PAK5: variants seen among roughly 807,000 people sequenced by gnomAD.
PAK5 encodes the protein serine/threonine-protein kinase PAK 5.
PAK5 carries 16 observed loss-of-function variants against 65.9 expected under a neutral mutation model. That is an observed-to-expected ratio of 0.24 (90% CI 0.16 to 0.37). PAK5 has a LOEUF of 0.37. Ranked by LOEUF, PAK5 falls within the 10% of genes least tolerant of loss-of-function variation. PAK5 has a pLI of 1.00. For missense variants in PAK5, 785 were observed against 903.9 expected (o/e 0.87, Z 1.69); for synonymous variants, 371 against 354.9 (o/e 1.05, Z -0.51).
At chr20:9,785,664 A>T (rs1476477788) in intron 1 of PAK5, among the ~76,000 whole-genome samples, 5 of 152,186 alleles carry the variant, frequency 3.3e-5, no homozygotes, top group African/African-American at 1.2e-4. Context: ...GGGGAAAAAA[A>T]TGTCTAAGGC....
chr20:9,680,987 G>C (rs1202564071), intron 2 of PAK5, among the ~76,000 whole-genome samples: 2 of 152,126 alleles, frequency 1.3e-5, no homozygotes, highest in African/African-American at 2.4e-5. Flanking sequence ...CTTTTGGTTT[G>C]TTTAACAGTT....
intron 1 of PAK5, among the ~76,000 whole-genome samples, chr20:9,712,884 CTT>C (rs2048094544): frequency 1.3e-5 from 2 of 152,092 alleles, no homozygotes; most frequent in African/African-American, 4.8e-5. Context: ...TGATTAAAGA[CTT>C]AAATGTAAAA....
chr20:9,696,196 T>C (rs990808203), intron 2 of PAK5, among the ~76,000 whole-genome samples: 5 of 152,194 alleles, frequency 3.3e-5, no homozygotes, highest in Admixed American at 3.3e-4. Context: ...CCATTTTATA[T>C]TCATATGACA....
intron 9 of PAK5, among the ~76,000 whole-genome samples, chr20:9,540,289 A>G (rs1179859195): frequency 2.0e-5 from 3 of 152,058 alleles, no homozygotes; most frequent in African/African-American, 7.2e-5. Context: ...TTTTACATAC[A>G]TTTACCCCTA....
intron 2 of PAK5, among the ~76,000 whole-genome samples, chr20:9,695,254 T>C (rs1253989505): frequency 6.6e-6 from 1 of 152,050 alleles, no homozygotes; most frequent in Non-Finnish European, 1.5e-5. Context: ...TTTGATGGAG[T>C]TCTTTATAAA....
At chr20:9,685,784 C>T (rs557443899) in intron 2 of PAK5, among the ~76,000 whole-genome samples, 3 of 152,194 alleles carry the variant, frequency 2.0e-5, no homozygotes, top group Non-Finnish European at 4.4e-5. Flanking sequence ...TAGAACATAG[C>T]ATGTGCTCAA....
chr20:9,563,569 T>A (rs2045625395), intron 5 of PAK5, among the ~76,000 whole-genome samples: 1 of 152,138 alleles, frequency 6.6e-6, no homozygotes, highest in Admixed American at 6.5e-5. Flanking sequence ...AGAATATATA[T>A]TGAAGATAAA....
At chr20:9,619,955 C>A (rs2046740597) in intron 3 of PAK5, among the ~76,000 whole-genome samples, 1 of 152,338 alleles carries the variant, frequency 6.6e-6, no homozygotes, top group South Asian at 2.1e-4. Context: ...CATCAGATCA[C>A]CTGAATTCTA....
chr20:9,821,291 G>A (rs1237530969), intron 1 of PAK5, among the ~76,000 whole-genome samples: 5 of 152,122 alleles, frequency 3.3e-5, no homozygotes, highest in Non-Finnish European at 7.4e-5. Context: ...TGAGGTGGGA[G>A]AATTGCTTGA....
intron 7 of PAK5, among the ~76,000 whole-genome samples, chr20:9,553,077 A>G (rs2045453972): frequency 6.6e-6 from 1 of 152,104 alleles, no homozygotes; most frequent in Non-Finnish European, 1.5e-5. Flanking sequence ...TGCAACGTGC[A>G]CCCGTCTCTC....
chr20:9,717,976 A>T (rs1450550639), intron 1 of PAK5, among the ~76,000 whole-genome samples: 1 of 151,996 alleles, frequency 6.6e-6, no homozygotes, highest in Non-Finnish European at 1.5e-5. Context: ...TATATTGGGG[A>T]TGTTGGAAAT....
chr20:9,717,084 C>CAAAA (rs58508007), intron 1 of PAK5, among the ~76,000 whole-genome samples: 2 of 122,488 alleles, frequency 1.6e-5, no homozygotes, highest in African/African-American at 6.0e-5. Flanking sequence ...GAACTTATCT[C>CAAAA]AAAAAAAAAA....
intron 1 of PAK5, among the ~76,000 whole-genome samples, chr20:9,769,040 T>C (rs1410401634): frequency 6.6e-6 from 1 of 152,180 alleles, no homozygotes; most frequent in Non-Finnish European, 1.5e-5. Flanking sequence ...AACTGTATCT[T>C]TTAAACAATT....
rs549319369 is a variant in PAK5 at position 9,810,021 on chromosome 20, C to T, written c.-162+28741G>A. 8.8e-4 allele frequency among the ~76,000 whole-genome samples: 134 copies of T among 152,266 alleles called. No individual in the cohort carries two copies. In the South Asian group the frequency reaches 0.012, roughly 14 times the overall value. On this transcript the variant is annotated intron_variant, in intron 1 of 9. Coordinates refer to ENST00000353224, the MANE Select transcript of PAK5 (RefSeq NM_177990.4). Reference sequence around the variant, plus strand: ...TAAAATTACATTTGCTACATCCTCCCGAGACTCATTCCTTTCATTTTACCA... The same window carrying T: ...TAAAATTACATTTGCTACATCCTCCTGAGACTCATTCCTTTCATTTTACCA...
chr20:9,714,394 T>C (rs907714168), intron 1 of PAK5, among the ~76,000 whole-genome samples: 1 of 152,190 alleles, frequency 6.6e-6, no homozygotes, highest in Admixed American at 6.5e-5. Context: ...AAAAGGTCCA[T>C]ACTTAGTTCC....
At chr20:9,701,463 A>C (rs2047938560) in intron 2 of PAK5, among the ~76,000 whole-genome samples, 1 of 152,082 alleles carries the variant, frequency 6.6e-6, no homozygotes, top group African/African-American at 2.4e-5. Flanking sequence ...ATACCTGTTA[A>C]CCATGTGAAA....
At position 9,674,254 on chromosome 20, in the gene PAK5, C is replaced by T. The variant is rs541594002; in HGVS notation, c.-11-29915G>A. 5.9e-5 allele frequency among the ~76,000 whole-genome samples: 9 copies of T among 151,440 alleles called. No individual in the cohort carries two copies. The South Asian group carries it at 1.7e-3, about 28-fold the overall frequency. On this transcript the variant is annotated intron_variant, in intron 2 of 9. Coordinates refer to ENST00000353224, the MANE Select transcript of PAK5 (RefSeq NM_177990.4). ...GAGATCCACAGTTCTAACAATGACT[C>T]CTCACCCTTTTTTTTTCCTGAGCTA...
chr20:9,639,515 T>C (rs1175988953), intron 3 of PAK5, among the ~76,000 whole-genome samples: 1 of 152,214 alleles, frequency 6.6e-6, no homozygotes, highest in African/African-American at 2.4e-5. Context: ...TCACTCCTTG[T>C]CTGTTTTTAT....
intron 3 of PAK5, among the ~76,000 whole-genome samples, chr20:9,637,980 G>T (rs1183702858): frequency 6.6e-6 from 1 of 152,144 alleles, no homozygotes; most frequent in African/African-American, 2.4e-5. Context: ...TAGAACAGCA[G>T]TTCTTAAAGT....
Sources: gnomAD v4.1 joint callset for allele counts (sites outside exome capture counted in the v4.1 genomes callset) on GRCh38, gnomAD v4.1.1 for gene constraint, MANE v1.5 for transcripts, NCBI Gene and HGNC (gene_info 2026-07-23, HGNC 2026-07-21) for gene names.